GSAP: variants seen among roughly 807,000 people sequenced by gnomAD.
GSAP encodes the protein gamma-secretase activating protein.
GSAP carries 118 observed loss-of-function variants against 131.7 expected under a neutral mutation model. That is an observed-to-expected ratio of 0.90 (90% CI 0.77 to 1.04). The LOEUF (loss-of-function observed/expected upper bound fraction) is 1.04. GSAP is among the 50% of genes least tolerant of loss of function. GSAP has a pLI of 0.00. For synonymous variants in GSAP, 381 were observed against 363.4 expected (o/e 1.05, Z -0.55); for missense variants, 1,019 against 1,013.2 (o/e 1.01, Z -0.08).
At chr7:77,387,249 C>A in intron 6 of GSAP, 111 bp downstream of exon 6, 1 of 628,608 alleles carries the variant, frequency 1.6e-6, no homozygotes, top group South Asian at 2.2e-5. Context: ...GTCTACAAGA[C>A]TGTTCTGAGG....
Position 77,355,278 on chromosome 7 carries a change from C to T in GSAP, c.1273G>A (p.Glu425Lys), listed in dbSNP as rs1326196869. 1.2e-6 allele frequency: 2 copies of T among 1,614,078 alleles called. No individual in the cohort carries two copies. The highest frequency in any genetic ancestry group is 1.7e-5 in the Admixed American group (1 of 60,024). Residue 425 changes from glutamate to lysine, a missense_variant, in exon 16 of 31, where the codon GAG becomes AAG. Coordinates refer to ENST00000257626, the MANE Select transcript of GSAP (RefSeq NM_017439.4). ...GCGCAGTGCAACGCAGCCATCTTCTCACAGTCTAAGCAAGTGTTCTGCAGA... is the reference window on the plus strand; with the variant it reads ...GCGCAGTGCAACGCAGCCATCTTCTTACAGTCTAAGCAAGTGTTCTGCAGA... ...QLLQNTCLDCEKMAALHCALY... is the reference protein window; with the variant it reads ...QLLQNTCLDCKKMAALHCALY...
chr7:77,396,873 A>G (rs2151130368), intron 5 of GSAP, 109 bp downstream of exon 5: 1 of 609,864 alleles, frequency 1.6e-6, no homozygotes, highest in Middle Eastern at 3.6e-4. Context: ...ATTCTGAGAT[A>G]CGATAAGGCT....
chr7:77,387,479 A>G lies in GSAP; in HGVS notation c.368-31T>C, dbSNP rs754183109. The G allele has an allele frequency of 1.6e-5, 18 of 1,106,966 alleles. No homozygotes were observed. In the South Asian group the frequency reaches 2.1e-4, roughly 13 times the overall value. The allele number at this position is 1,106,966 out of a possible 1,614,324, so 68.6% of individuals were successfully genotyped here. ...GAGAAAAGAAGGCTTTTAGTAACGAAGATTGTAATATCACACATTATTTTT... is the reference window on the plus strand; with the variant it reads ...GAGAAAAGAAGGCTTTTAGTAACGAGGATTGTAATATCACACATTATTTTT... On this transcript the variant is annotated intron_variant, in intron 5 of 30. Coordinates refer to ENST00000257626, the MANE Select transcript of GSAP (RefSeq NM_017439.4).
chr7:77,337,298 G>A (rs970180704), intron 19 of GSAP, among the ~76,000 whole-genome samples: 1 of 142,606 alleles, frequency 7.0e-6, no homozygotes, highest in East Asian at 2.1e-4. Context: ...GGCGGGGGTG[G>A]GGTGGGGGGG....
intron 26 of GSAP, among the ~76,000 whole-genome samples, chr7:77,316,529 A>G (rs1671508042): frequency 6.6e-6 from 1 of 152,230 alleles, no homozygotes; most frequent in African/African-American, 2.4e-5. Context: ...CTATTTTACT[A>G]GTTAATTAAC....
Position 77,314,286 on chromosome 7 carries a change from A to G in GSAP, c.2209+84T>C. 2.1e-6 allele frequency: 3 copies of G among 1,432,934 alleles called. No individual in the cohort carries two copies. In the Admixed American group the frequency reaches 5.2e-5, roughly 25 times the overall value. 88.8% of individuals were successfully genotyped at this position (1,432,934 alleles called of 1,614,324 possible). A position where few individuals can be genotyped will look rare whatever the true frequency, so the allele number is the denominator to read the frequency against. On this transcript the variant is annotated intron_variant, in intron 27 of 30. Coordinates refer to ENST00000257626, the MANE Select transcript of GSAP (RefSeq NM_017439.4). ...TCTGAGTGCAGCCAGGCTCTTGGTG[A>G]CTGCACAGGTTGCACACCCAAGAAG...
intron 14 of GSAP, among the ~76,000 whole-genome samples, chr7:77,360,163 T>G (rs1794321552): frequency 1.3e-5 from 2 of 152,228 alleles, no homozygotes; most frequent in Admixed American, 1.3e-4. Context: ...TGAAACTCCT[T>G]TTTTAAAGGA....
At position 77,388,089 on chromosome 7, in the gene GSAP, T is replaced by C. The variant is rs1798849984; in HGVS notation, c.368-641A>G. Among the ~76,000 whole-genome samples, 4 of 152,228 alleles carry C rather than the reference T, an allele frequency of 2.6e-5. No homozygotes were observed. The South Asian group carries it at 8.3e-4, about 31-fold the overall frequency. On this transcript the variant is annotated intron_variant, in intron 5 of 30. Coordinates refer to ENST00000257626, the MANE Select transcript of GSAP (RefSeq NM_017439.4). ...TCTACCAGGGGGAAAAAAAGGTGAT[T>C]TTCTTAAAGTTTGACTTTAAAGTTT... is the stretch of plus-strand genomic sequence containing the variant.
intron 12 of GSAP, among the ~76,000 whole-genome samples, chr7:77,363,550 A>G (rs1304472707): frequency 6.6e-6 from 1 of 152,228 alleles, no homozygotes; most frequent in Non-Finnish European, 1.5e-5. Context: ...GTGGATTTCA[A>G]TGTTTCCTCT....
chr7:77,370,877 C>T (rs1796017690), intron 12 of GSAP, among the ~76,000 whole-genome samples: 1 of 152,168 alleles, frequency 6.6e-6, no homozygotes, highest in Non-Finnish European at 1.5e-5. Context: ...CTTTGTGAAA[C>T]TACCCTGTGC....
chr7:77,312,038 T>G, intron 29 of GSAP, 63 bp downstream of exon 29: 1 of 1,219,032 alleles, frequency 8.2e-7, no homozygotes, highest in Non-Finnish European at 1.2e-6. Context: ...CATACAGATA[T>G]GTTGTCACGG....
chr7:77,371,688 C>T (rs1174092879), intron 12 of GSAP, among the ~76,000 whole-genome samples: 3 of 152,278 alleles, frequency 2.0e-5, no homozygotes, highest in Middle Eastern at 3.4e-3. Flanking sequence ...CTGCCCGCCT[C>T]GGCCTCCCGA....
At chr7:77,377,127 G>C (rs1454049018) in intron 9 of GSAP, among the ~76,000 whole-genome samples, 159 bp downstream of exon 9, 1 of 150,936 alleles carries the variant, frequency 6.6e-6, no homozygotes, top group Admixed American at 6.6e-5. Flanking sequence ...TGAGGCAGGT[G>C]CATCACTTGA....
chr7:77,416,277 C>T lies in GSAP; in HGVS notation c.45G>A (p.Val15=). The T allele has an allele frequency of 2.7e-6, 4 of 1,496,922 alleles. No individual in the cohort carries two copies. The highest frequency in any genetic ancestry group is 1.3e-5 in the South Asian group (1 of 79,098). 92.7% of individuals were successfully genotyped at this position (1,496,922 alleles called of 1,614,324 possible). A position where few individuals can be genotyped will look rare whatever the true frequency, so the allele number is the denominator to read the frequency against. Residue 15 remains valine, a synonymous_variant, in exon 1 of 31, where the codon GTG becomes GTA. Coordinates refer to ENST00000257626, the MANE Select transcript of GSAP (RefSeq NM_017439.4). ...CCCGCTGCGCCCGCAACCACGGGAG[C>T]ACGTCCTTCCCGAGGTCGAAGTCGG... is the stretch of plus-strand genomic sequence containing the variant. ...LVADFDLGKD[V]LPWLRAQRAV...
intron 14 of GSAP, among the ~76,000 whole-genome samples, chr7:77,357,450 TAGAGA>T (rs1034473024): frequency 2.0e-5 from 3 of 152,040 alleles, no homozygotes; most frequent in Non-Finnish European, 4.4e-5. Flanking sequence ...GAGATTTGAC[TAGAGA>T]AGAGAAGACG....
chr7:77,347,699 A>G (rs1388206439), intron 19 of GSAP, among the ~76,000 whole-genome samples: 1 of 152,202 alleles, frequency 6.6e-6, no homozygotes, highest in Non-Finnish European at 1.5e-5. Flanking sequence ...TCTAAAATTT[A>G]TCTAATATCT....
intron 19 of GSAP, among the ~76,000 whole-genome samples, chr7:77,338,629 C>G (rs972611972): frequency 2.0e-5 from 3 of 152,114 alleles, no homozygotes; most frequent in East Asian, 1.9e-4. Context: ...TCGCTGTAAC[C>G]TCATGTGGCG....
At chr7:77,377,488 G>T (rs1324022366) in intron 8 of GSAP, 98 bp from the exon 9 acceptor site, 11 of 1,321,916 alleles carry the variant, frequency 8.3e-6, no homozygotes, top group Non-Finnish European at 1.1e-5. Context: ...CTATCTTTAT[G>T]ATACATGTAA....
At chr7:77,315,706 A>G (rs1794898318) in intron 26 of GSAP, 1 of 152,244 alleles carries the variant, frequency 6.6e-6, no homozygotes, top group Non-Finnish European at 1.5e-5. Flanking sequence ...ATAGAACATG[A>G]ACAGAGGTCC....
Sources: allele counts gnomAD v4.1 joint callset (sites outside exome capture counted in the v4.1 genomes callset), GRCh38; gene constraint gnomAD v4.1.1; transcripts MANE v1.5; gene names NCBI Gene and HGNC (gene_info 2026-07-23, HGNC 2026-07-21).